Variants in CPAP observed in about 807,000 individuals in gnomAD.
CPAP encodes centrosome assembly and centriole elongation protein, also known as centrosomal P4.1-associated protein.
chr13:24,888,293 T>C, the CPAP span, among the ~76,000 whole-genome samples: 2 of 150,854 alleles, frequency 1.3e-5, no homozygotes, highest in Non-Finnish European at 3.0e-5. Context: ...CAAACCCAGA[T>C]TGGGAGAAAA....
At chr13:24,909,871 T>C in the CPAP span, 2 of 1,612,220 alleles carry the variant, frequency 1.2e-6, no homozygotes, top group Non-Finnish European at 1.7e-6. Flanking sequence ...GAAAATAAAT[T>C]AGGAGACGCA....
At chr13:24,897,684 A>T in the CPAP span, among the ~76,000 whole-genome samples, 1 of 152,218 alleles carries the variant, frequency 6.6e-6, no homozygotes, top group Non-Finnish European at 1.5e-5. Context: ...ATTAATGTTT[A>T]AAAAAACATC....
At chr13:24,884,946 A>AGAAACTTTCC in the CPAP span, among the ~76,000 whole-genome samples, 5 of 152,240 alleles carry the variant, frequency 3.3e-5, no homozygotes, top group Non-Finnish European at 4.4e-5. Flanking sequence ...TTTCCCACTA[A>AGAAACTTTCC]GAAACTTTCC....
chr13:24,912,470 G>T, the CPAP span: 1 of 899,298 alleles, frequency 1.1e-6, no homozygotes, highest in Non-Finnish European at 1.7e-6. Flanking sequence ...CTGGTATTCT[G>T]AGGATTTCAG....
the CPAP span, among the ~76,000 whole-genome samples, chr13:24,891,614 C>A: frequency 6.6e-6 from 1 of 152,124 alleles, no homozygotes. Context: ...TCTCTCCACC[C>A]GCCACTGCCA....
chr13:24,885,744 CTTAG>C, the CPAP span: 1 of 1,032,526 alleles, frequency 9.7e-7, no homozygotes, highest in Non-Finnish European at 1.5e-6. Flanking sequence ...CACACATTTC[CTTAG>C]TTCATATCCT....
the CPAP span, chr13:24,906,574 C>G: frequency 6.2e-7 from 1 of 1,614,156 alleles, no homozygotes; most frequent in Non-Finnish European, 8.5e-7. Flanking sequence ...CAAATTTGAT[C>G]TGGTCTCTAA....
the CPAP span, among the ~76,000 whole-genome samples, chr13:24,896,045 T>C: frequency 6.6e-6 from 1 of 152,244 alleles, no homozygotes; most frequent in East Asian, 1.9e-4. Flanking sequence ...GTTTGTTTTC[T>C]ATTAAGTATA....
chr13:24,899,985 T>C, the CPAP span, among the ~76,000 whole-genome samples: 1 of 151,560 alleles, frequency 6.6e-6, no homozygotes, highest in African/African-American at 2.4e-5. Flanking sequence ...TGTATTCCCA[T>C]GCAGCTTCTT....
At chr13:24,883,163 T>G in the CPAP span, 1 of 1,608,818 alleles carries the variant, frequency 6.2e-7, no homozygotes, top group Non-Finnish European at 8.5e-7. Flanking sequence ...TACTTCATGA[T>G]CACATGAGGA....
the CPAP span, chr13:24,907,232 AAT>A: frequency 6.7e-7 from 1 of 1,488,366 alleles, no homozygotes; most frequent in Non-Finnish European, 9.4e-7. Context: ...TGCAAATCAT[AAT>A]GTGTGAATAT....
the CPAP span, chr13:24,909,781 G>C: frequency 6.2e-7 from 1 of 1,607,662 alleles, no homozygotes; most frequent in Non-Finnish European, 8.5e-7. Context: ...AGAAACATAA[G>C]TAGCTCACCT....
chr13:24,910,148 A>T, the CPAP span: 2 of 1,473,268 alleles, frequency 1.4e-6, no homozygotes, highest in Non-Finnish European at 1.9e-6. Context: ...TTTTATCCCC[A>T]GTAGTGACCC....
the CPAP span, among the ~76,000 whole-genome samples, chr13:24,893,945 G>C: frequency 2.7e-4 from 41 of 152,160 alleles, no homozygotes; most frequent in South Asian, 6.0e-3. Context: ...GGCAGGTGAG[G>C]GGGTGACGGG....
At chr13:24,914,009 T>C in the CPAP span, among the ~76,000 whole-genome samples, 7 of 152,282 alleles carry the variant, frequency 4.6e-5, no homozygotes, top group East Asian at 5.8e-4. Context: ...CCTGGGTACA[T>C]AGCAGTTCAT....
the CPAP span, chr13:24,885,508 CT>C: frequency 8.4e-7 from 1 of 1,196,934 alleles, no homozygotes; most frequent in Non-Finnish European, 1.2e-6. Flanking sequence ...AGTAAAAACT[CT>C]TTTTTACACG....
the CPAP span, among the ~76,000 whole-genome samples, chr13:24,902,588 C>A: frequency 1.3e-5 from 2 of 152,026 alleles, no homozygotes; most frequent in East Asian, 3.8e-4. Flanking sequence ...AACTTAGGGG[C>A]CAGATGTGCT....
At chr13:24,885,667 T>C in the CPAP span, 407 of 1,610,744 alleles carry the variant, frequency 2.5e-4, no homozygotes, top group Non-Finnish European at 2.8e-4. Context: ...TCGAGGTGGA[T>C]TGCCTATTAG....
At chr13:24,932,038 G>T in the CPAP span, among the ~76,000 whole-genome samples, 2 of 152,190 alleles carry the variant, frequency 1.3e-5, no homozygotes, top group African/African-American at 4.8e-5. Context: ...TTCTGGCGAC[G>T]GTCCCTGCTA....
Sources: gnomAD v4.1 joint callset for allele counts (sites outside exome capture counted in the v4.1 genomes callset) on GRCh38, gnomAD v4.1.1 for gene constraint, MANE v1.5 for transcripts, NCBI Gene and HGNC (gene_info 2026-07-23, HGNC 2026-07-21) for gene names.